Variants in ESD observed in about 807,000 individuals in gnomAD.
ESD encodes the protein esterase D.
In ESD, 34 loss-of-function variants were observed where a neutral mutation model predicts 38.1. The observed-to-expected ratio is 0.89, with a 90% CI of 0.68 to 1.19. The LOEUF is 1.19. ESD is among the 50% of genes most tolerant of loss of function. The pLI is 0.00. For synonymous variants in ESD, 97 were observed against 107.0 expected, an observed-to-expected ratio of 0.91 and a Z score of 0.58; for missense variants, 334 against 327.2, an observed-to-expected ratio of 1.02 and a Z score of -0.16.
rs1875046343 is a variant in ESD at position 46,782,659 on chromosome 13, T to C, written c.381+8A>G. The C allele has an allele frequency of 1.9e-6, 3 of 1,610,596 alleles. No homozygotes were observed. The highest frequency in any genetic ancestry group is 2.5e-6 in the Non-Finnish European group (3 of 1,178,044). On this transcript the variant is annotated splice_region_variant and intron_variant, in intron 6 of 9. Coordinates refer to ENST00000378720, the MANE Select transcript of ESD (RefSeq NM_001984.2). ...ATCAATTAATAATTACAATACAAAT[T>C]AAATTACCTCCTCTGTGACATAAGA...
rs1489835454 is a variant in ESD at position 46,777,586 on chromosome 13, C to T, written c.638G>A (p.Gly213Glu). Reference sequence around the variant, plus strand: ...ATCAATTAGTATGTCCAGCTGAGATCCTGGATAGGATTTCACAAGGTGGGT... The same window carrying T: ...ATCAATTAGTATGTCCAGCTGAGATTCTGGATAGGATTTCACAAGGTGGGT... ...DATHLVKSYP[G>E]SQLDILIDQG... Residue 213 changes from glycine (G) to glutamate (E), a missense_variant, in exon 9 of 10, where the codon GGA becomes GAA. Coordinates refer to ENST00000378720, the MANE Select transcript of ESD (RefSeq NM_001984.2). The T allele has an allele frequency of 6.2e-7, 1 of 1,607,846 alleles. No individual in the cohort carries two copies. Among genetic ancestry groups the T allele is most frequent in the Admixed American group, 1.7e-5 (1 of 59,308 alleles).
chr13:46,771,277 G>C lies in ESD; in HGVS notation c.*139C>G. On this transcript the variant is annotated 3_prime_UTR_variant, in exon 10 of 10. Coordinates refer to ENST00000378720, the MANE Select transcript of ESD (RefSeq NM_001984.2). ...GAAGTAGGTTTTATATCTTTATTCA[G>C]AGGTGATTCAACTATAGAATAAAGC... is the stretch of plus-strand genomic sequence containing the variant. The C allele has an allele frequency of 1.8e-6, 1 of 549,414 alleles. No individual in the cohort carries two copies. The highest frequency in any genetic ancestry group is 3.2e-6 in the Non-Finnish European group (1 of 311,410). 34.0% of individuals were successfully genotyped at this position (549,414 alleles called of 1,614,324 possible).
chr13:46,796,044 A>G (rs1368223305), intron 1 of ESD, among the ~76,000 whole-genome samples: 4 of 152,164 alleles, frequency 2.6e-5, no homozygotes, highest in Non-Finnish European at 4.4e-5. Context: ...TAAAAAAAAT[A>G]TAGCATCTAT....
At chr13:46,787,195 T>C in intron 3 of ESD, 86 bp from the exon 4 acceptor site, 1 of 675,002 alleles carries the variant, frequency 1.5e-6, no homozygotes, top group Non-Finnish European at 2.3e-6. Flanking sequence ...ATATAAAAAG[T>C]AAGATATATA....
chr13:46,786,441 A>T (rs1875196332), intron 4 of ESD, among the ~76,000 whole-genome samples: 1 of 152,008 alleles, frequency 6.6e-6, no homozygotes, highest in Non-Finnish European at 1.5e-5. Context: ...GTGAAAGAAA[A>T]GTTAGCATAG....
chr13:46,774,614 C>T (rs1411627115), intron 9 of ESD, among the ~76,000 whole-genome samples: 1 of 152,094 alleles, frequency 6.6e-6, no homozygotes, highest in South Asian at 2.1e-4. Flanking sequence ...TAAATGAACA[C>T]CTTTCATTCT....
intron 2 of ESD, 39 bp from the exon 3 acceptor site, chr13:46,791,459 T>C (rs1875399911): frequency 6.7e-7 from 1 of 1,492,982 alleles, no homozygotes; most frequent in Non-Finnish European, 9.2e-7. Context: ...TCCAGAGAAT[T>C]AGTTACTGAA....
chr13:46,788,205 T>A (rs1875264222), intron 3 of ESD, among the ~76,000 whole-genome samples: 1 of 152,082 alleles, frequency 6.6e-6, no homozygotes, highest in African/African-American at 2.4e-5. Flanking sequence ...TTACTGGTTA[T>A]CCTTCCTTGT....
chr13:46,785,988 C>T (rs1224828722), intron 4 of ESD, among the ~76,000 whole-genome samples: 3 of 151,964 alleles, frequency 2.0e-5, no homozygotes, highest in African/African-American at 4.8e-5. Context: ...TCCACATTAG[C>T]GTGTGACCCT....
intron 3 of ESD, among the ~76,000 whole-genome samples, chr13:46,790,285 G>A (rs930652558): frequency 2.0e-5 from 3 of 152,084 alleles, no homozygotes; most frequent in Admixed American, 1.3e-4. Flanking sequence ...CTATTTAAGA[G>A]AGAAACACTA....
Position 46,791,344 on chromosome 13 carries a change from A to G in ESD, c.68+2T>C, listed in dbSNP as rs756158099. On this transcript the variant is annotated splice_donor_variant, in intron 3 of 9. Transcript: ENST00000378720. LOFTEE classifies it high-confidence loss of function. The stretch of plus-strand genomic sequence containing the variant: ...CTAAAATTATATCTTCTTAATAGTT[A>G]CCTGTCATGTTCAAAAACTTTCTGC... The G allele has an allele frequency of 6.2e-7, 1 of 1,607,476 alleles. No individual in the cohort carries two copies. The highest frequency in any genetic ancestry group is 1.7e-5 in the Admixed American group (1 of 59,546).
intron 3 of ESD, among the ~76,000 whole-genome samples, chr13:46,789,076 T>C (rs8192886): frequency 0.11 from 16,432 of 152,182 alleles, 1,220 homozygotes; most frequent in East Asian, 0.4. Context: ...TTGATGTAAA[T>C]GGCTACATGT....
intron 9 of ESD, among the ~76,000 whole-genome samples, chr13:46,772,330 A>G (rs555138968): frequency 1.4e-4 from 21 of 151,944 alleles, no homozygotes; most frequent in Admixed American, 1.0e-3. Flanking sequence ...AGGTAAATGG[A>G]GAAATAATCC....
intron 9 of ESD, chr13:46,776,620 A>G (rs1467348052): frequency 6.6e-6 from 1 of 152,140 alleles, no homozygotes; most frequent in African/African-American, 2.4e-5. Context: ...AGAATTAACA[A>G]TGAGTTAATG....
At chr13:46,791,159 C>T (rs1434708181) in intron 3 of ESD, among the ~76,000 whole-genome samples, 187 bp downstream of exon 3, 1 of 152,104 alleles carries the variant, frequency 6.6e-6, no homozygotes, top group Non-Finnish European at 1.5e-5. Flanking sequence ...AAGGCTCTAC[C>T]TCACACAATC....
At chr13:46,782,573 C>A in intron 6 of ESD, 94 bp downstream of exon 6, 1 of 1,371,322 alleles carries the variant, frequency 7.3e-7, no homozygotes, top group Middle Eastern at 2.0e-4. Context: ...ACTTTTATAC[C>A]CTAGTTTAAA....
In ESD at chr13:46,787,026, A is replaced by C. The variant is rs1366583584; in HGVS notation, c.152T>G (p.Leu51Arg). 6.6e-7 allele frequency: 1 copy of C among 1,526,388 alleles called. No individual in the cohort carries two copies. Among genetic ancestry groups the C allele is most frequent in the South Asian group, 1.3e-5 (1 of 77,978 alleles). The allele number at this position is 1,526,388 out of a possible 1,614,324, so 94.6% of individuals were successfully genotyped here. The change falls in exon 4 of 10, where the codon CTC becomes CGC. Residue 51 changes from leucine to arginine, a missense_variant. By Grantham distance (102) the Leu-to-Arg change is moderately radical. Coordinates refer to ENST00000378720, the MANE Select transcript of ESD (RefSeq NM_001984.2). Reference protein sequence around the residue: ...ETGKCPALYWLSGLTCTEQNF... With the variant: ...ETGKCPALYWRSGLTCTEQNF... Reference sequence around the variant, plus strand: ...CTCAAATGCATAATACTTACCTGAGAGCCAATACAGTGCAGGGCACTTTCC... The same window carrying C: ...CTCAAATGCATAATACTTACCTGAGCGCCAATACAGTGCAGGGCACTTTCC...
chr13:46,773,299 C>T (rs1389523343), intron 9 of ESD, among the ~76,000 whole-genome samples: 1 of 152,154 alleles, frequency 6.6e-6, no homozygotes, highest in Non-Finnish European at 1.5e-5. Flanking sequence ...ATTTCTGCCT[C>T]TAGGTCTGCG....
At chr13:46,792,729 A>C (rs984058492) in intron 2 of ESD, among the ~76,000 whole-genome samples, 20 of 152,072 alleles carry the variant, frequency 1.3e-4, no homozygotes, top group African/African-American at 4.8e-4. Context: ...CTTAAACAAT[A>C]AACTCCCATG....
Sources: gnomAD v4.1 joint callset for allele counts (sites outside exome capture counted in the v4.1 genomes callset) on GRCh38, gnomAD v4.1.1 for gene constraint, MANE v1.5 for transcripts, NCBI Gene and HGNC (gene_info 2026-07-23, HGNC 2026-07-21) for gene names.